The following RRP1B variants were observed in gnomAD, a reference collection of about 807,000 sequenced individuals.
The protein encoded by RRP1B is ribosomal RNA processing protein 1 homolog B.
In RRP1B, 56 loss-of-function variants were observed where a neutral mutation model predicts 80.2. The observed-to-expected ratio is 0.70, with a 90% CI of 0.56 to 0.87. The LOEUF is 0.87. Among genes scored for constraint, RRP1B ranks in the 40% least tolerant of loss-of-function variants. The probability of loss-of-function intolerance (pLI) is 0.00; values close to 1 mark genes in which losing one functional copy is unlikely to be tolerated. For missense variants in RRP1B, 807 were observed against 939.8 expected (o/e 0.86, Z 1.85); for synonymous variants, 351 against 357.6 (o/e 0.98, Z 0.21).
chr21:43,672,317 G>A lies in RRP1B; in HGVS notation c.223G>A (p.Ala75Thr), dbSNP rs368641376. 8.1e-6 allele frequency: 13 copies of A among 1,614,038 alleles called. No homozygotes were observed. The highest frequency in any genetic ancestry group is 1.7e-5 in the Admixed American group (1 of 60,018). ...AACCCCGCCTCTGCAGGAAGAGCTC[G>A]CCAACACCATTGCACAGCTAGTCCA... ...QDEPLLQEEL[A>T]NTIAQLVHAV... The change falls in exon 3 of 16, where the codon GCC becomes ACC. Residue 75 changes from alanine to threonine, a missense_variant. Transcript: ENST00000340648.
chr21:43,666,358 G>C (rs2147161167), intron 1 of RRP1B, among the ~76,000 whole-genome samples: 1 of 152,156 alleles, frequency 6.6e-6, no homozygotes, highest in East Asian at 1.9e-4. Flanking sequence ...TTGCAGTGGA[G>C]AAAAACAAGG....
rs370561160 is a variant in RRP1B at position 43,687,762 on chromosome 21, C to T, written c.1388C>T (p.Pro463Leu). The change falls in exon 13 of 16, where the codon CCT (proline) becomes CTT (leucine). Residue 463 changes from proline (P) to leucine (L), a missense_variant. Pro to Leu is a moderately conservative substitution (Grantham distance 98, BLOSUM62 -3). Coordinates refer to ENST00000340648, the MANE Select transcript of RRP1B (RefSeq NM_015056.3). ...STGEESGSEHPPAVPMHNKRK... is the reference protein window; with the variant it reads ...STGEESGSEHLPAVPMHNKRK... The stretch of plus-strand genomic sequence containing the variant: ...GGGGAGGAGAGTGGCTCCGAGCATC[C>T]TCCAGCCGTCCCCATGCACAATAAA... The T allele has an allele frequency of 9.3e-6, 15 of 1,613,168 alleles. No homozygotes were observed. The highest frequency in any genetic ancestry group is 1.3e-5 in the African/African-American group (1 of 74,936).
chr21:43,679,923 T>C (rs2083036733), intron 8 of RRP1B, among the ~76,000 whole-genome samples: 1 of 152,160 alleles, frequency 6.6e-6, no homozygotes, highest in South Asian at 2.1e-4. Flanking sequence ...TTGTTGTCAT[T>C]GTTGTTTTGG....
intron 6 of RRP1B, 36 bp downstream of exon 6, chr21:43,675,199 G>A (rs2083017020): frequency 6.2e-7 from 1 of 1,606,596 alleles, no homozygotes; most frequent in Middle Eastern, 1.8e-4. Flanking sequence ...ACGGGGTGAG[G>A]GGGCCGCCAG....
intron 8 of RRP1B, among the ~76,000 whole-genome samples, 178 bp downstream of exon 8, chr21:43,677,092 C>A (rs2083025858): frequency 6.6e-6 from 1 of 152,158 alleles, no homozygotes; most frequent in African/African-American, 2.4e-5. Flanking sequence ...GGGTGCCTAG[C>A]GGGGCTCTGG....
intron 13 of RRP1B, among the ~76,000 whole-genome samples, chr21:43,688,805 T>C (rs769873508): frequency 6.6e-6 from 1 of 152,218 alleles, no homozygotes; most frequent in African/African-American, 2.4e-5. Context: ...AAGCTGTTGA[T>C]CTGGTCTTGG....
At chr21:43,689,605 C>G (rs896466165) in intron 13 of RRP1B, among the ~76,000 whole-genome samples, 4 of 152,366 alleles carry the variant, frequency 2.6e-5, no homozygotes, top group Admixed American at 2.6e-4. Flanking sequence ...GCTGTCGTCT[C>G]AGGCCCCTGG....
Position 43,669,983 on chromosome 21 carries a change from T to C in RRP1B, c.213+17T>C, listed in dbSNP as rs1255734372. 6.3e-7 allele frequency: 1 copy of C among 1,577,090 alleles called. No individual in the cohort carries two copies. Among genetic ancestry groups the C allele is most frequent in the Non-Finnish European group, 8.7e-7 (1 of 1,150,256 alleles). ...CTTCTACAGGTAACATGCGTTCCCT[T>C]TGTCATGCTCCCGGGTTCTTGCTGT... On this transcript the variant is annotated intron_variant, in intron 2 of 15. Transcript: ENST00000340648.
At chr21:43,690,922 A>C (rs1174717939) in intron 14 of RRP1B, among the ~76,000 whole-genome samples, 1 of 152,222 alleles carries the variant, frequency 6.6e-6, no homozygotes, top group African/African-American at 2.4e-5. Flanking sequence ...GTGCACAAAA[A>C]GCTGGAAACT....
At chr21:43,688,556 C>T (rs1048470692) in intron 13 of RRP1B, among the ~76,000 whole-genome samples, 2 of 152,246 alleles carry the variant, frequency 1.3e-5, no homozygotes, top group African/African-American at 4.8e-5. Flanking sequence ...CAGTCTAGGC[C>T]TCTGTCAAAG....
intron 1 of RRP1B, among the ~76,000 whole-genome samples, chr21:43,667,868 G>A (rs1289467800): frequency 6.6e-6 from 1 of 152,210 alleles, no homozygotes; most frequent in African/African-American, 2.4e-5. Flanking sequence ...CTAGTTTTAT[G>A]TTAGTTCCTG....
chr21:43,685,674 A>T, intron 10 of RRP1B, 96 bp from the exon 11 acceptor site: 10 of 933,054 alleles, frequency 1.1e-5, no homozygotes, highest in South Asian at 2.4e-5. Flanking sequence ...CTTGTATTTT[A>T]AAAATCAAAT....
rs780420604 is a variant in RRP1B, at chr21:43,687,564, A to C, written c.1190A>C (p.Gln397Pro). The C allele has an allele frequency of 1.3e-6, 2 of 1,503,958 alleles. No individual in the cohort carries two copies. The highest frequency in any genetic ancestry group is 1.8e-6 in the Non-Finnish European group (2 of 1,134,560). The allele number at this position is 1,503,958 out of a possible 1,614,324, so 93.2% of individuals were successfully genotyped here. The change falls in exon 13 of 16, where the codon CAA becomes CCA. Residue 397 changes from glutamine to proline, a missense_variant. Gln to Pro is a moderately conservative substitution (Grantham distance 76). Transcript: ENST00000340648. ...VEEEDSESSL[Q>P]KRRRKKKKKH... ...GAAGAGGACAGTGAAAGCAGTCTTC[A>C]AAAGAGAAGAAGGAAGAAGAAGAAG...
intron 2 of RRP1B, 38 bp from the exon 3 acceptor site, chr21:43,672,270 G>T: frequency 6.2e-7 from 1 of 1,604,370 alleles, no homozygotes; most frequent in Non-Finnish European, 8.5e-7. Flanking sequence ...GTTGCCCCAC[G>T]ATAACCCCCA....
chr21:43,659,857 G>C lies in RRP1B; in HGVS notation c.130+63G>C. On this transcript the variant is annotated intron_variant, in intron 1 of 15. Coordinates refer to ENST00000340648, the MANE Select transcript of RRP1B (RefSeq NM_015056.3). The surrounding 1 kb of genome is among the most constrained non-coding windows in gnomAD (Gnocchi z 4.2). ...GGCCGGGGGCCGGGGCTGGGGCTAG[G>C]GCCAGGGCCCCGGCACGGAATGCGG... The C allele has an allele frequency of 7.1e-7, 1 of 1,404,574 alleles. No individual in the cohort carries two copies. The highest frequency in any genetic ancestry group is 1.5e-5 in the African/African-American group (1 of 65,974). The allele number at this position is 1,404,574 out of a possible 1,614,324, so 87.0% of individuals were successfully genotyped here.
At chr21:43,683,398 T>C in intron 9 of RRP1B, 25 bp downstream of exon 9, 1 of 1,579,206 alleles carries the variant, frequency 6.3e-7, no homozygotes, top group Non-Finnish European at 8.7e-7. Context: ...TTGCTTTTTA[T>C]AGAATATAGA....
chr21:43,667,568 C>T (rs1178118786), intron 1 of RRP1B, among the ~76,000 whole-genome samples: 4 of 152,104 alleles, frequency 2.6e-5, no homozygotes, highest in Non-Finnish European at 4.4e-5. Context: ...ATCTTTTCAT[C>T]TAATGTTTTA....
chr21:43,667,569 T>C (rs185222897), intron 1 of RRP1B, among the ~76,000 whole-genome samples: 5 of 152,332 alleles, frequency 3.3e-5, no homozygotes, highest in Non-Finnish European at 1.5e-5. Flanking sequence ...TCTTTTCATC[T>C]AATGTTTTAG....
chr21:43,692,451 T>TA (rs2083090564), intron 15 of RRP1B, among the ~76,000 whole-genome samples: 1 of 151,876 alleles, frequency 6.6e-6, no homozygotes, highest in Non-Finnish European at 1.5e-5. Context: ...ATACAAAAAT[T>TA]ACCTGGGCGT....
Sources: gnomAD v4.1 joint callset for allele counts (sites outside exome capture counted in the v4.1 genomes callset) on GRCh38, gnomAD v4.1.1 for gene constraint, Gnocchi (gnomAD v3.1) non-coding constraint, MANE v1.5 for transcripts, NCBI Gene and HGNC (gene_info 2026-07-23, HGNC 2026-07-21) for gene names.